CCDC51: variants seen among roughly 807,000 people sequenced by gnomAD.
The protein encoded by CCDC51 is coiled-coil domain containing 51, also known as mitochondrial potassium channel.
In CCDC51, 25 loss-of-function variants were observed where a neutral mutation model predicts 24.8. The ratio of observed to expected loss-of-function variants is 1.01; its 90% CI spans 0.73 to 1.41. CCDC51 has a LOEUF of 1.41. Ranked by LOEUF, CCDC51 falls within the 40% of genes most tolerant of loss-of-function variation. The pLI is 0.00. For missense variants in CCDC51, 466 were observed against 519.1 expected (o/e 0.90, Z 0.99); for synonymous variants, 190 against 204.3 (o/e 0.93, Z 0.60).
At chr3:48,440,495 G>T, upstream of CCDC51, 1 of 1,604,356 alleles carries the variant, frequency 6.2e-7, no homozygotes. Flanking sequence ...GGGTGCGGGG[G>T]CGCTGGGAGA....
rs746028126 is a variant in CCDC51 at position 48,434,906 on chromosome 3, C to T, written c.223G>A (p.Ala75Thr). ...CACCAAGTCTTGGCTGTGGAGGTCG[C>T]TCGTTGCTGAATGCTGTGCCCCAGG... ...RALGHSIQQR[A>T]TSTAKTWWDR... Residue 75 changes from alanine (A) to threonine (T), a missense_variant, in exon 2 of 4, where the codon GCG becomes ACG. Transcript: ENST00000395694. 6.2e-7 allele frequency: 1 copy of T among 1,614,242 alleles called. No homozygotes were observed. Among genetic ancestry groups the T allele is most frequent in the South Asian group, 1.1e-5 (1 of 91,090 alleles).
At chr3:48,441,870 C>T (rs1309502545), upstream of CCDC51, among the ~76,000 whole-genome samples, 7 of 152,190 alleles carry the variant, frequency 4.6e-5, no homozygotes, top group Non-Finnish European at 7.3e-5. Flanking sequence ...ACCTCTCTCC[C>T]AGTGGGTTTG....
rs2107131851 is a variant in CCDC51 at position 48,434,978 on chromosome 3, C to T, written c.151G>A (p.Glu51Lys). The part of the protein sequence containing the change: ...PSQPGEKRPE[E>K]VALGLHHRLP... ...CGGTGGTGCAGCCCCAGGGCCACCT[C>T]CTCAGGTCTTTTCTCTCCGGGCTGG... Residue 51 changes from glutamate (E) to lysine (K), a missense_variant, in exon 2 of 4, where the codon GAG becomes AAG. By Grantham distance (56) the Glu-to-Lys change is moderately conservative. Transcript: ENST00000395694. 2.5e-6 allele frequency: 4 copies of T among 1,614,256 alleles called. No homozygotes were observed. Among genetic ancestry groups the T allele is most frequent in the Non-Finnish European group, 3.4e-6 (4 of 1,180,062 alleles).
At position 48,440,053 on chromosome 3, in the gene CCDC51, G is replaced by C. The variant is rs2039513976; in HGVS notation, c.-74C>G. 1 of 620,570 alleles carries C rather than the reference G, an allele frequency of 1.6e-6. No individual in the cohort carries two copies. Among genetic ancestry groups the C allele is most frequent in the Non-Finnish European group, 2.7e-6 (1 of 373,606 alleles). 38.4% of individuals were successfully genotyped at this position (620,570 alleles called of 1,614,324 possible). On this transcript the variant is annotated 5_prime_UTR_variant, in exon 1 of 4. Transcript: ENST00000395694. Reference sequence around the variant, plus strand: ...CCGTCCGGTTAAGTACCCCTCCTACGGTTCCGATTCTACCCTGGCAGGACA... The same window carrying C: ...CCGTCCGGTTAAGTACCCCTCCTACCGTTCCGATTCTACCCTGGCAGGACA...
At chr3:48,436,626 T>C (rs7633433) in intron 1 of CCDC51, among the ~76,000 whole-genome samples, 4,533 of 152,300 alleles carry the variant, frequency 0.03, 215 homozygotes, top group African/African-American at 0.1. Flanking sequence ...CAGGCTGAGA[T>C]CCTATAACAC....
upstream of CCDC51, chr3:48,443,989 T>C (rs1202650492): frequency 1.2e-6 from 1 of 821,850 alleles, no homozygotes; most frequent in East Asian, 3.1e-5. Flanking sequence ...GAATTAAGTG[T>C]TGTCTTGGAG....
In CCDC51 at chr3:48,433,272, T is replaced by A; in HGVS notation, c.478-106A>T. ...ACCTTGTGCCTGGCAGAGTACATGT[T>A]CCATAGACCCATGCTGAATGAATGA... is the stretch of plus-strand genomic sequence containing the variant. On this transcript the variant is annotated intron_variant, in intron 3 of 3. Coordinates refer to ENST00000395694, the MANE Select transcript of CCDC51 (RefSeq NM_001256964.2). The surrounding 1 kb of genome is among the most constrained non-coding windows in gnomAD (Gnocchi z 4.4). 1.8e-6 allele frequency: 2 copies of A among 1,084,854 alleles called. No homozygotes were observed. The highest frequency in any genetic ancestry group is 2.7e-6 in the Non-Finnish European group (2 of 753,946). 67.2% of individuals were successfully genotyped at this position (1,084,854 alleles called of 1,614,324 possible). A position where few individuals can be genotyped will look rare whatever the true frequency, so the allele number is the denominator to read the frequency against.
Position 48,433,176 on chromosome 3 carries a change from C to G in CCDC51, c.478-10G>C. 1 of 1,607,150 alleles carries G rather than the reference C, an allele frequency of 6.2e-7. No individual in the cohort carries two copies. The highest frequency in any genetic ancestry group is 2.2e-5 in the East Asian group (1 of 44,738). ...GAAGCCTCTTCTCCTCCTGCAGAAGCAAAGCCATGTTATTGGATTACATGG... is the reference window on the plus strand; with the variant it reads ...GAAGCCTCTTCTCCTCCTGCAGAAGGAAAGCCATGTTATTGGATTACATGG... On this transcript the variant is annotated splice_polypyrimidine_tract_variant and intron_variant, in intron 3 of 3. Coordinates refer to ENST00000395694, the MANE Select transcript of CCDC51 (RefSeq NM_001256964.2). The surrounding 1 kb of genome is among the most constrained non-coding windows in gnomAD (Gnocchi z 4.4).
At position 48,439,968 on chromosome 3, in the gene CCDC51, G is replaced by C. The variant is rs375847290; in HGVS notation, c.-9+20C>G. ...GACGAGCTTGAAGCTCTTTGCACAT[G>C]CACATGCCCTGCTGTCTACCTGCAG... On this transcript the variant is annotated intron_variant, in intron 1 of 3. Transcript: ENST00000395694. The C allele has an allele frequency of 1.9e-5, 8 of 431,404 alleles. No individual in the cohort carries two copies. Among genetic ancestry groups the C allele is most frequent in the African/African-American group, 1.2e-4 (6 of 49,452 alleles). The allele number at this position is 431,404 out of a possible 1,614,324, so 26.7% of individuals were successfully genotyped here.
In CCDC51 at chr3:48,433,835, G is replaced by A. The variant is rs773933610; in HGVS notation, c.349C>T (p.Arg117Ter). Reference protein sequence around the residue: ...KVFMVARGLVREAREDLEVHQ... With the variant: ...KVFMVARGLV ...ACTTCCAAGTCCTCCCGAGCCTCTC[G>A]GACAAGCCCTCGAGCCACCATGAAC... Residue 117 changes from arginine to a stop codon, truncating the protein, a stop_gained, in exon 3 of 4, where the codon CGA (arginine) becomes TGA (stop). Coordinates refer to ENST00000395694, the MANE Select transcript of CCDC51 (RefSeq NM_001256964.2). LOFTEE classifies it high-confidence loss of function. The surrounding 1 kb of genome is among the most constrained non-coding windows in gnomAD (Gnocchi z 4.4). 17 of 1,613,976 alleles carry A rather than the reference G, an allele frequency of 1.1e-5. No homozygotes were observed. The highest frequency in any genetic ancestry group is 5.0e-5 in the Admixed American group (3 of 59,978).
chr3:48,432,522 C>G lies in CCDC51; in HGVS notation c.1122G>C (p.Thr374=). ...TGACTTGGGCTTCTAGTCTCTGCTC[C>G]GTGTCTGACAGTGCCAAGATCATGC... The part of the protein sequence containing the change: ...QGSMILALSD[T]EQRLEAQVNR... Residue 374 remains threonine (T), a synonymous_variant, in exon 4 of 4, where the codon ACG becomes ACC. Coordinates refer to ENST00000395694, the MANE Select transcript of CCDC51 (RefSeq NM_001256964.2). 1 of 1,614,190 alleles carries G rather than the reference C, an allele frequency of 6.2e-7. No individual in the cohort carries two copies. Among genetic ancestry groups the G allele is most frequent in the African/African-American group, 1.3e-5 (1 of 75,062 alleles).
At position 48,432,926 on chromosome 3, in the gene CCDC51, C is replaced by T. The variant is rs2107120386; in HGVS notation, c.718G>A (p.Gly240Arg). ...ATGGCCTCTTGGAGACTCACAGGCC[C>T]CTTCTGCGCCTCCAGGAGTAAAGCC... ...LKALLLEAQK[G>R]PVSLQEAIRE... The change falls in exon 4 of 4, where the codon GGG becomes AGG. Residue 240 changes from glycine (G) to arginine (R), a missense_variant. Gly to Arg is a moderately radical substitution (Grantham distance 125). Transcript: ENST00000395694. 5 of 1,614,088 alleles carry T rather than the reference C, an allele frequency of 3.1e-6. No individual in the cohort carries two copies. The highest frequency in any genetic ancestry group is 4.2e-6 in the Non-Finnish European group (5 of 1,180,032).
chr3:48,438,877 C>T (rs1257567897), intron 1 of CCDC51, among the ~76,000 whole-genome samples: 1 of 152,228 alleles, frequency 6.6e-6, no homozygotes, highest in Admixed American at 6.5e-5. Flanking sequence ...AGGGAACCTA[C>T]CCACTGGCTC....
Position 48,432,869 on chromosome 3 carries a change from G to A in CCDC51, c.775C>T (p.Gln259Ter), listed in dbSNP as rs180947685. 3 of 1,613,736 alleles carry A rather than the reference G, an allele frequency of 1.9e-6. No homozygotes were observed. The highest frequency in any genetic ancestry group is 4.5e-5 in the East Asian group (2 of 44,874). ...REQASSYSRQ[Q>*]RDLHNLMVDL... Reference sequence around the variant, plus strand: ...ACCATGAGATTGTGGAGGTCCCTCTGCTGGCGGGAGTAGCTAGACGCCTGT... The same window carrying A: ...ACCATGAGATTGTGGAGGTCCCTCTACTGGCGGGAGTAGCTAGACGCCTGT... Residue 259 changes from glutamine to a stop codon, truncating the protein, a stop_gained, in exon 4 of 4, where the codon CAG (glutamine) becomes TAG (stop). Coordinates refer to ENST00000395694, the MANE Select transcript of CCDC51 (RefSeq NM_001256964.2). LOFTEE classifies it high-confidence loss of function.
intron 1 of CCDC51, among the ~76,000 whole-genome samples, chr3:48,436,108 G>GA (rs2039344050): frequency 6.6e-6 from 1 of 152,202 alleles, no homozygotes; most frequent in Non-Finnish European, 1.5e-5. Context: ...CATTTTCCCA[G>GA]AAAAAGCTGA....
chr3:48,440,376 G>T, upstream of CCDC51: 1 of 1,611,760 alleles, frequency 6.2e-7, no homozygotes, highest in Non-Finnish European at 8.5e-7. Flanking sequence ...GGCAGGGGCA[G>T]GCCGAACGTG....
At chr3:48,440,911 C>T (rs763643604), upstream of CCDC51, 1 of 513,034 alleles carries the variant, frequency 1.9e-6, no homozygotes, top group Non-Finnish European at 3.5e-6. Flanking sequence ...CGCAGATTCA[C>T]AGTTAAGTTT....
chr3:48,445,949 C>T, the CCDC51 span, among the ~76,000 whole-genome samples: 1 of 151,920 alleles, frequency 6.6e-6, no homozygotes, highest in Non-Finnish European at 1.5e-5. Context: ...TGTTCGCCAC[C>T]GGTAACTCTT....
At chr3:48,439,635 G>A (rs1464684291) in intron 1 of CCDC51, among the ~76,000 whole-genome samples, 1 of 151,818 alleles carries the variant, frequency 6.6e-6, no homozygotes, top group Non-Finnish European at 1.5e-5. Flanking sequence ...TCCATCTCGG[G>A]GGGAAAAGAA....
Sources: allele counts gnomAD v4.1 joint callset (sites outside exome capture counted in the v4.1 genomes callset), GRCh38; gene constraint gnomAD v4.1.1; non-coding constraint Gnocchi (gnomAD v3.1); transcripts MANE v1.5; gene names NCBI Gene and HGNC (gene_info 2026-07-23, HGNC 2026-07-21).